ZMYND11: variants seen among roughly 807,000 people sequenced by gnomAD.
ZMYND11 encodes zinc finger MYND domain-containing protein 11.
Under a neutral mutation model 84.9 loss-of-function variants are expected in ZMYND11, and 9 were observed. The ratio of observed to expected loss-of-function variants is 0.11; its 90% CI spans 0.06 to 0.18. ZMYND11 has a LOEUF of 0.18. Ranked by LOEUF, ZMYND11 falls within the 10% of genes least tolerant of loss-of-function variation. The probability of loss-of-function intolerance (pLI) is 1.00; values close to 1 mark genes in which losing one functional copy is unlikely to be tolerated. For synonymous variants in ZMYND11, 250 were observed against 244.1 expected, an observed-to-expected ratio of 1.02 and a Z score of -0.23; for missense variants, 409 against 761.0, an observed-to-expected ratio of 0.54 and a Z score of 5.44.
Position 165,310 on chromosome 10 carries a change from C to T in ZMYND11, c.-19-14684C>T, listed in dbSNP as rs368706133. Among the ~76,000 whole-genome samples, 155 of 152,212 alleles carry T rather than the reference C, an allele frequency of 1.0e-3. 1 individual carries two copies. In the Middle Eastern group the frequency reaches 0.027, roughly 27 times the overall value. ...TTCACTGGACTTCTGTAAGACAGCT[C>T]TCCTAGATTTGCTCCTAGTTCTTAG... On this transcript the variant is annotated intron_variant, in intron 1 of 14. Transcript: ENST00000381604.
At chr10:182,018 T>G (rs1847990463) in intron 2 of ZMYND11, among the ~76,000 whole-genome samples, 1 of 152,218 alleles carries the variant, frequency 6.6e-6, no homozygotes, top group Non-Finnish European at 1.5e-5. Flanking sequence ...AGGTTTTCTT[T>G]GGATTCAGCT....
At chr10:219,903 A>G (rs913598702) in intron 3 of ZMYND11, among the ~76,000 whole-genome samples, 3 of 152,110 alleles carry the variant, frequency 2.0e-5, no homozygotes, top group Non-Finnish European at 4.4e-5. Flanking sequence ...GAAAGTTTAC[A>G]TTTTTGCAGG....
intron 1 of ZMYND11, among the ~76,000 whole-genome samples, chr10:166,031 G>A (rs1351325537): frequency 6.6e-6 from 1 of 152,024 alleles, no homozygotes; most frequent in Admixed American, 6.6e-5. Context: ...AACAGTTGGT[G>A]CCAAGATAAC....
At chr10:212,575 C>CAA (rs2131305563) in intron 3 of ZMYND11, among the ~76,000 whole-genome samples, 1 of 151,652 alleles carries the variant, frequency 6.6e-6, no homozygotes, top group East Asian at 1.9e-4. Context: ...TTTAGTTATG[C>CAA]AACCTTGAGG....
chr10:177,127 A>G (rs1290505469), intron 1 of ZMYND11, among the ~76,000 whole-genome samples: 4 of 152,316 alleles, frequency 2.6e-5, no homozygotes, highest in Middle Eastern at 3.4e-3. Flanking sequence ...TAGAGCATAG[A>G]AGAGCACCTG....
chr10:141,161 G>A (rs1202607805), intron 1 of ZMYND11, among the ~76,000 whole-genome samples: 1 of 152,138 alleles, frequency 6.6e-6, no homozygotes, highest in Non-Finnish European at 1.5e-5. Context: ...TGTGTTTATA[G>A]TTCAAGTTAC....
Position 243,722 on chromosome 10 carries a change from A to G in ZMYND11, c.950+1583A>G, listed in dbSNP as rs555179712. ...CTACTAAAAATATGAAAAATTAGCC[A>G]TGCGTGGTGGTGTGTGCCTGTAGTC... On this transcript the variant is annotated intron_variant, in intron 10 of 14. Transcript: ENST00000381604. Among the ~76,000 whole-genome samples, 99 of 152,238 alleles carry G rather than the reference A, an allele frequency of 6.5e-4. 1 individual carries two copies. In the South Asian group the frequency reaches 0.012, roughly 19 times the overall value.
At chr10:249,115 T>A (rs1303824902) in intron 14 of ZMYND11, 27 bp downstream of exon 14, 1 of 1,613,676 alleles carries the variant, frequency 6.2e-7, no homozygotes, top group Non-Finnish European at 8.5e-7. Context: ...TTTAGACCCT[T>A]ATTTCTGAAA....
At chr10:155,827 G>A (rs782372943) in intron 1 of ZMYND11, among the ~76,000 whole-genome samples, 2 of 152,160 alleles carry the variant, frequency 1.3e-5, no homozygotes, top group Non-Finnish European at 2.9e-5. Flanking sequence ...AGAGGTCCTC[G>A]TTGGGAGACT....
intron 3 of ZMYND11, among the ~76,000 whole-genome samples, chr10:220,708 G>A (rs570175042): frequency 1.3e-5 from 2 of 152,158 alleles, no homozygotes; most frequent in African/African-American, 4.8e-5. Context: ...AACATCCAGT[G>A]CCACAGATGA....
At chr10:172,684 T>C (rs781938069) in intron 1 of ZMYND11, among the ~76,000 whole-genome samples, 5 of 152,170 alleles carry the variant, frequency 3.3e-5, no homozygotes, top group Admixed American at 6.6e-5. Flanking sequence ...CTTTTATGTA[T>C]GGATTCATGT....
chr10:233,489 A>T (rs1422210818), intron 4 of ZMYND11, among the ~76,000 whole-genome samples: 1 of 152,206 alleles, frequency 6.6e-6, no homozygotes, highest in African/African-American at 2.4e-5. Flanking sequence ...TCCTAACGTA[A>T]TAAACACTTA....
intron 4 of ZMYND11, 35 bp downstream of exon 4, chr10:221,391 G>C: frequency 6.3e-7 from 1 of 1,596,846 alleles, no homozygotes; most frequent in Non-Finnish European, 8.5e-7. Flanking sequence ...GCTGGTTAGA[G>C]GGTTGGAATT....
At chr10:242,603 C>T (rs1229581521) in intron 10 of ZMYND11, among the ~76,000 whole-genome samples, 1 of 152,138 alleles carries the variant, frequency 6.6e-6, no homozygotes, top group African/African-American at 2.4e-5. Flanking sequence ...ATAAAGAATT[C>T]ACATGCAATT....
At chr10:207,471 C>T (rs1564381833) in intron 2 of ZMYND11, among the ~76,000 whole-genome samples, 1 of 152,120 alleles carries the variant, frequency 6.6e-6, no homozygotes, top group African/African-American at 2.4e-5. Context: ...TAAAAGTGTT[C>T]CTGTTTCTCC....
intron 4 of ZMYND11, among the ~76,000 whole-genome samples, chr10:230,472 CAAAAAAAAAAA>C (rs59145964): frequency 7.6e-5 from 4 of 52,752 alleles, no homozygotes; most frequent in East Asian, 1.4e-3. Context: ...GACTCAGTCT[CAAAAAAAAAAA>C]AAAAAAAAAA....
intron 8 of ZMYND11, 107 bp downstream of exon 8, chr10:240,218 T>G: frequency 9.7e-7 from 1 of 1,032,096 alleles, no homozygotes; most frequent in Non-Finnish European, 1.4e-6. Context: ...TTTAAATGTC[T>G]TTTATTGCCG....
At chr10:201,022 A>G (rs957439837) in intron 2 of ZMYND11, among the ~76,000 whole-genome samples, 1 of 151,994 alleles carries the variant, frequency 6.6e-6, no homozygotes, top group Non-Finnish European at 1.5e-5. Flanking sequence ...CTCCTGTTAT[A>G]CTTCCATAGC....
At chr10:228,249 A>G (rs1485178228) in intron 4 of ZMYND11, among the ~76,000 whole-genome samples, 1 of 152,250 alleles carries the variant, frequency 6.6e-6, no homozygotes, top group Non-Finnish European at 1.5e-5. Flanking sequence ...GGTGAATTTA[A>G]CAGTGGTTAT....
Sources: allele counts gnomAD v4.1 joint callset (sites outside exome capture counted in the v4.1 genomes callset), GRCh38; gene constraint gnomAD v4.1.1; transcripts MANE v1.5; gene names NCBI Gene and HGNC (gene_info 2026-07-23, HGNC 2026-07-21).